SEPTIN6: variants seen among roughly 807,000 people sequenced by gnomAD.
The protein encoded by SEPTIN6 is septin-6.
In SEPTIN6, 8 loss-of-function variants were observed where a neutral mutation model predicts 33.6. The observed-to-expected ratio is 0.24, with a 90% confidence interval of 0.14 to 0.43. The LOEUF (loss-of-function observed/expected upper bound fraction) is 0.43. SEPTIN6 is among the 20% of genes least tolerant of loss of function. The probability of loss-of-function intolerance (pLI) is 1.00; values close to 1 mark genes in which losing one functional copy is unlikely to be tolerated. For missense variants in SEPTIN6, 250 were observed against 340.8 expected, an observed-to-expected ratio of 0.73 and a Z score of 2.10; for synonymous variants, 131 against 140.0, an observed-to-expected ratio of 0.94 and a Z score of 0.45.
At chrX:119,669,734 T>C (rs2054709432) in intron 2 of SEPTIN6, among the ~76,000 whole-genome samples, 1 of 112,079 alleles carries the variant, frequency 8.9e-6, no homozygotes, top group Non-Finnish European at 1.9e-5. Flanking sequence ...ACACCACTGC[T>C]GGCAGCCTGT....
chrX:119,674,178 CT>C (rs749840289), intron 2 of SEPTIN6, among the ~76,000 whole-genome samples: 96 of 101,039 alleles, frequency 9.5e-4, no homozygotes, highest in Non-Finnish European at 7.1e-4. Flanking sequence ...TAAGAAGATT[CT>C]TTTTTTTTTT....
intron 10 of SEPTIN6, among the ~76,000 whole-genome samples, chrX:119,622,592 T>C (rs1407676103): frequency 8.9e-6 from 1 of 112,339 alleles, no homozygotes; most frequent in Admixed American, 9.5e-5. Flanking sequence ...TGCCTCTCAC[T>C]TGTAAAGTGT....
At chrX:119,679,727 G>A (rs59111248) in intron 1 of SEPTIN6, among the ~76,000 whole-genome samples, 11,787 of 110,891 alleles carry the variant, frequency 0.11, 482 homozygotes, top group South Asian at 0.26. Flanking sequence ...GCGTGGTGGC[G>A]GGAGCCTGTA....
intron 3 of SEPTIN6, among the ~76,000 whole-genome samples, chrX:119,659,364 C>T (rs1432040600): frequency 1.8e-5 from 2 of 111,611 alleles, no homozygotes; most frequent in East Asian, 2.8e-4. Flanking sequence ...TCAGCAATCA[C>T]GGTAATCTGG....
In SEPTIN6 at chrX:119,650,080, T is replaced by C. The variant is rs1380697070; in HGVS notation, c.547A>G (p.Ile183Val). Residue 183 changes from isoleucine (I) to valine (V), a missense_variant, in exon 5 of 11, where the codon ATT becomes GTT. Physicochemically the swap from Ile to Val is conservative, Grantham distance 29 (BLOSUM62 3). This residue lies in a region of SEPTIN6 where 139 missense variants were observed against 227.0 expected (regional missense o/e 0.61). Transcript: ENST00000394610. ...TTCGAAATGGCATCTGCTTTGGCAA[T>C]GATGGGGATGATGTTCACCTAGGGA... ...LDSKVNIIPIIAKADAISKSE... is the reference protein window; with the variant it reads ...LDSKVNIIPIVAKADAISKSE... 1 of 1,210,878 alleles carries C rather than the reference T, an allele frequency of 8.3e-7. No individual in the cohort carries two copies. Among genetic ancestry groups the C allele is most frequent in the Admixed American group, 2.2e-5 (1 of 45,923 alleles).
intron 5 of SEPTIN6, chrX:119,646,927 C>A (rs1471724015): frequency 6.7e-6 from 1 of 149,425 alleles, no homozygotes; most frequent in Non-Finnish European, 1.6e-5. Flanking sequence ...GCTAAGCAAT[C>A]CTCTGTGTAT....
At chrX:119,652,474 T>C (rs1324995118) in intron 4 of SEPTIN6, among the ~76,000 whole-genome samples, 1 of 112,324 alleles carries the variant, frequency 8.9e-6, no homozygotes, top group African/African-American at 3.2e-5. Context: ...ACTGCAATCA[T>C]AAAAGTAATT....
chrX:119,651,126 G>A (rs1414287024), intron 4 of SEPTIN6, among the ~76,000 whole-genome samples: 1 of 111,164 alleles, frequency 9.0e-6, no homozygotes, highest in Non-Finnish European at 1.9e-5. Context: ...GTGGCACTCA[G>A]GCCCCGGACT....
At chrX:119,654,734 C>T (rs1047538572) in intron 3 of SEPTIN6, among the ~76,000 whole-genome samples, 5 of 111,304 alleles carry the variant, frequency 4.5e-5, no homozygotes, top group Admixed American at 9.5e-5. Flanking sequence ...CTCTGTTGCC[C>T]GGGCAGGAGT....
At chrX:119,678,965 T>G (rs1295987406) in intron 1 of SEPTIN6, among the ~76,000 whole-genome samples, 1 of 111,236 alleles carries the variant, frequency 9.0e-6, no homozygotes, top group Non-Finnish European at 1.9e-5. Flanking sequence ...CCTTTTTTTT[T>G]GATAAGGAGT....
intron 5 of SEPTIN6, among the ~76,000 whole-genome samples, chrX:119,644,535 C>A (rs1488380703): frequency 9.0e-6 from 1 of 111,688 alleles, no homozygotes; most frequent in Non-Finnish European, 1.9e-5. Context: ...GCTAGCCCAA[C>A]ACTGCATGAT....
intron 2 of SEPTIN6, among the ~76,000 whole-genome samples, chrX:119,674,711 G>A (rs1301650528): frequency 1.8e-5 from 2 of 111,906 alleles, no homozygotes; most frequent in African/African-American, 3.3e-5. Context: ...TGTTTCATGA[G>A]GATACAAATG....
intron 2 of SEPTIN6, 116 bp downstream of exon 2, chrX:119,675,436 GAC>G: frequency 2.7e-6 from 1 of 368,876 alleles, no homozygotes; most frequent in Non-Finnish European, 4.6e-6. Flanking sequence ...AGAGGGGAGA[GAC>G]ACTCTCGCAA....
intron 3 of SEPTIN6, 91 bp downstream of exon 3, chrX:119,663,391 T>C (rs2054579531): frequency 2.5e-6 from 2 of 788,716 alleles, no homozygotes; most frequent in Admixed American, 5.9e-5. Context: ...GGGCCCGATA[T>C]CTGTGCTGTC....
chrX:119,684,035 T>C (rs2055009238), intron 1 of SEPTIN6, among the ~76,000 whole-genome samples: 1 of 106,668 alleles, frequency 9.4e-6, no homozygotes, highest in Non-Finnish European at 1.9e-5. Flanking sequence ...TCCCTCCTGG[T>C]TTCAAGCGAT....
intron 5 of SEPTIN6, among the ~76,000 whole-genome samples, chrX:119,644,225 C>T (rs2054204049): frequency 9.0e-6 from 1 of 110,985 alleles, no homozygotes. Flanking sequence ...GACTCTCTCA[C>T]TCAGACTTCC....
chrX:119,625,472 A>G, intron 9 of SEPTIN6, 93 bp from the exon 10 acceptor site: 1 of 851,329 alleles, frequency 1.2e-6, no homozygotes, highest in Non-Finnish European at 1.8e-6. Flanking sequence ...TTAGAGGTCA[A>G]AGGTGATTAG....
intron 1 of SEPTIN6, 102 bp downstream of exon 1, chrX:119,692,974 T>TGCTGCCC (rs1357155006): frequency 4.5e-6 from 4 of 880,528 alleles, no homozygotes; most frequent in Non-Finnish European, 6.5e-6. Context: ...GGCTCCTGGA[T>TGCTGCCC]GCTGCCCACT....
intron 4 of SEPTIN6, 43 bp downstream of exon 4, chrX:119,652,811 A>G (rs1182079979): frequency 9.0e-7 from 1 of 1,108,476 alleles, no homozygotes; most frequent in East Asian, 3.0e-5. Context: ...ACAAGAGATC[A>G]GTAAGAGTGA....
Sources: allele counts gnomAD v4.1 joint callset (sites outside exome capture counted in the v4.1 genomes callset), GRCh38; gene constraint gnomAD v4.1.1; regional missense constraint gnomAD v4.1.1; transcripts MANE v1.5; gene names NCBI Gene and HGNC (gene_info 2026-07-23, HGNC 2026-07-21).